Variants in CAPN14 observed in about 807,000 individuals in gnomAD.
CAPN14 encodes the protein calpain-14.
CAPN14 carries 94 observed loss-of-function variants against 101.3 expected under a neutral mutation model. The observed-to-expected ratio is 0.93, with a 90% CI of 0.79 to 1.10. The LOEUF is 1.10. Ranked by LOEUF, CAPN14 falls within the 50% of genes least tolerant of loss-of-function variation. The pLI, the probability that CAPN14 is intolerant of heterozygous loss-of-function variation, is 0.00. For missense variants in CAPN14, 837 were observed against 828.4 expected (o/e 1.01, Z -0.13); for synonymous variants, 338 against 317.9 (o/e 1.06, Z -0.67).
chr2:31,191,623 T>C (rs1010153556), intron 11 of CAPN14, among the ~76,000 whole-genome samples: 4 of 152,196 alleles, frequency 2.6e-5, no homozygotes, highest in African/African-American at 7.2e-5. Context: ...AGGGAAAGAA[T>C]GCTTGGCTTT....
chr2:31,177,162 C>G lies in CAPN14; in HGVS notation c.1856-20G>C, dbSNP rs1368375898. The G allele has an allele frequency of 2.0e-6, 3 of 1,529,330 alleles. No homozygotes were observed. Among genetic ancestry groups the G allele is most frequent in the Non-Finnish European group, 2.7e-6 (3 of 1,127,998 alleles). The allele number at this position is 1,529,330 out of a possible 1,614,324, so 94.7% of individuals were successfully genotyped here. A position where few individuals can be genotyped will look rare whatever the true frequency, so the allele number is the denominator to read the frequency against. On this transcript the variant is annotated intron_variant, in intron 19 of 21. Transcript: ENST00000403897. ...TGATTCCTGCATTGAGCACAAGCTCCTGCTGTGGGTATTGGGGGCTTGCAC... is the reference window on the plus strand; with the variant it reads ...TGATTCCTGCATTGAGCACAAGCTCGTGCTGTGGGTATTGGGGGCTTGCAC...
chr2:31,230,677 GT>G lies in CAPN14; in HGVS notation c.-177+3113del, dbSNP rs1683163571. ...AAGACATTTTTGTAGCTCTTGCCAA[GT>G]TTTTTTCTATTGGAATGTTTGTCTT... On this transcript the variant is annotated intron_variant and NMD_transcript_variant, in intron 1 of 21. Coordinates refer to the CAPN14 transcript ENST00000398824. The surrounding 1 kb of genome is among the most constrained non-coding windows in gnomAD (Gnocchi z 4.3). Among the ~76,000 whole-genome samples the G allele has an allele frequency of 6.6e-6, 1 of 152,136 alleles. No homozygotes were observed. Among genetic ancestry groups the G allele is most frequent in the South Asian group, 2.1e-4 (1 of 4,824 alleles).
chr2:31,212,668 A>T (rs1682460972), intron 1 of CAPN14, among the ~76,000 whole-genome samples: 1 of 152,228 alleles, frequency 6.6e-6, no homozygotes, highest in South Asian at 2.1e-4. Flanking sequence ...CCAGGGGTCC[A>T]TTCAGTGTCT....
chr2:31,194,516 G>C (rs1222581543), intron 8 of CAPN14, 33 bp from the exon 9 acceptor site: 17 of 1,455,868 alleles, frequency 1.2e-5, no homozygotes, highest in South Asian at 4.9e-5. Context: ...AAAGCTTGTG[G>C]GGAGCATGCT....
intron 2 of CAPN14, among the ~76,000 whole-genome samples, chr2:31,223,004 G>T (rs1682904916): frequency 6.6e-6 from 1 of 152,192 alleles, no homozygotes; most frequent in East Asian, 1.9e-4. Context: ...GATACAACAA[G>T]AAGTTGGCAA....
In CAPN14 at chr2:31,200,314, T is replaced by C. The variant is rs1681688781; in HGVS notation, c.726+137A>G. On this transcript the variant is annotated intron_variant, in intron 6 of 21. Coordinates refer to ENST00000403897, the MANE Select transcript of CAPN14 (RefSeq NM_001145122.2). ...GCCACCGCACCTGGCCTTGCTGCTCTGGTTTGAACACCAGGACCTCAGCAC... is the reference window on the plus strand; with the variant it reads ...GCCACCGCACCTGGCCTTGCTGCTCCGGTTTGAACACCAGGACCTCAGCAC... The C allele has an allele frequency of 8.1e-6, 6 of 739,534 alleles. No homozygotes were observed. The South Asian group carries it at 1.1e-4, about 14-fold the overall frequency. 45.8% of individuals were successfully genotyped at this position (739,534 alleles called of 1,614,324 possible). A position where few individuals can be genotyped will look rare whatever the true frequency, so the allele number is the denominator to read the frequency against.
chr2:31,211,598 T>C (rs4951969), intron 1 of CAPN14, among the ~76,000 whole-genome samples: 117,732 of 151,688 alleles, frequency 0.78, 46,020 homozygotes, highest in East Asian at 1. Context: ...TCATCATAGA[T>C]AAATATGCAA....
chr2:31,199,382 A>G (rs1572415347), intron 7 of CAPN14, 88 bp downstream of exon 7: 2 of 1,145,504 alleles, frequency 1.7e-6, no homozygotes, highest in East Asian at 5.1e-5. Flanking sequence ...TCCAGATGGT[A>G]CAGAAACTAA....
At chr2:31,210,016 T>C (rs987740079) in intron 1 of CAPN14, among the ~76,000 whole-genome samples, 1 of 152,220 alleles carries the variant, frequency 6.6e-6, no homozygotes, top group Non-Finnish European at 1.5e-5. Flanking sequence ...ACAGAGTCCA[T>C]AGCCACAGGT....
At chr2:31,194,328 C>T in intron 9 of CAPN14, 81 bp downstream of exon 9, 1 of 1,025,752 alleles carries the variant, frequency 9.7e-7, no homozygotes, top group Non-Finnish European at 1.5e-6. Flanking sequence ...TCCTGGCACC[C>T]ATAAGGCATC....
chr2:31,226,839 T>G (rs1008160066), intron 1 of CAPN14, among the ~76,000 whole-genome samples: 2 of 152,128 alleles, frequency 1.3e-5, no homozygotes, highest in Non-Finnish European at 2.9e-5. Flanking sequence ...CAAGGGTTCA[T>G]TTATTTTTTA....
chr2:31,193,007 G>A, intron 10 of CAPN14, 124 bp downstream of exon 10: 1 of 980,220 alleles, frequency 1.0e-6, no homozygotes, highest in Non-Finnish European at 1.5e-6. Context: ...CACACAGTGA[G>A]GCAAGCAGAG....
intron 1 of CAPN14, among the ~76,000 whole-genome samples, chr2:31,214,040 A>C (rs1049852357): frequency 6.6e-6 from 1 of 152,196 alleles, no homozygotes; most frequent in African/African-American, 2.4e-5. Context: ...CTTTCAGTAA[A>C]CAATGATGAA....
intron 17 of CAPN14, among the ~76,000 whole-genome samples, chr2:31,179,138 T>C (rs1337763498): frequency 1.3e-5 from 2 of 149,564 alleles, no homozygotes; most frequent in African/African-American, 2.5e-5. Context: ...GTTTGTTACA[T>C]AGGTATACAT....
At position 31,201,142 on chromosome 2, in the gene CAPN14, T is replaced by C. The variant is rs1558626147; in HGVS notation, c.552-517A>G. 2.8e-5 allele frequency among the ~76,000 whole-genome samples: 4 copies of C among 143,394 alleles called. No homozygotes were observed. In the South Asian group the frequency reaches 9.0e-4, roughly 32 times the overall value. 94.1% of individuals were successfully genotyped at this position (143,394 alleles called of 152,430 possible). On this transcript the variant is annotated intron_variant, in intron 5 of 21. Transcript: ENST00000403897. ...GTGTGCATGTGTGTATGTGTGGACG[T>C]GTGTGTGTGCATGTGCGTATGTGTG...
Position 31,177,020 on chromosome 2 carries a change from G to C in CAPN14, c.1972+6C>G. Reference sequence around the variant, plus strand: ...CCTGGCCCTCCCCAGCTTCCCGCCAGCTTACCCTCCATGTTCTCTACACGC... The same window carrying C: ...CCTGGCCCTCCCCAGCTTCCCGCCACCTTACCCTCCATGTTCTCTACACGC... On this transcript the variant is annotated splice_donor_region_variant and intron_variant, in intron 20 of 21. Transcript: ENST00000403897. 6.5e-7 allele frequency: 1 copy of C among 1,546,746 alleles called. No homozygotes were observed. The highest frequency in any genetic ancestry group is 8.8e-7 in the Non-Finnish European group (1 of 1,142,788).
upstream of CAPN14, among the ~76,000 whole-genome samples, chr2:31,221,287 G>A (rs1276806420): frequency 6.6e-6 from 1 of 152,230 alleles, no homozygotes; most frequent in African/African-American, 2.4e-5. Context: ...TGATTGACAA[G>A]GACTGCTCTG....
Position 31,203,108 on chromosome 2 carries a change from G to A in CAPN14, c.257C>T (p.Ala86Val). Residue 86 changes from alanine (A) to valine (V), a missense_variant, in exon 3 of 22, where the codon GCC becomes GTC. By Grantham distance (64) the Ala-to-Val change is moderately conservative. Coordinates refer to ENST00000403897, the MANE Select transcript of CAPN14 (RefSeq NM_001145122.2). The part of the protein sequence containing the change: ...ELHSNPQFYF[A>V]KAKRLDLCQG... The stretch of plus-strand genomic sequence containing the variant: ...GCACAGATCCAGCCTTTTGGCCTTG[G>A]CAAAATAAAACTGGGGATTGCTGTG... 6.4e-7 allele frequency: 1 copy of A among 1,551,626 alleles called. No individual in the cohort carries two copies. The highest frequency in any genetic ancestry group is 8.7e-7 in the Non-Finnish European group (1 of 1,146,978).
intron 15 of CAPN14, 117 bp from the exon 16 acceptor site, chr2:31,186,602 T>C (rs1680910817): frequency 1.4e-6 from 1 of 737,912 alleles, no homozygotes; most frequent in South Asian, 2.2e-5. Flanking sequence ...AACTTCACAA[T>C]GCTTTTTAAC....
Sources: allele counts gnomAD v4.1 joint callset (sites outside exome capture counted in the v4.1 genomes callset), GRCh38; gene constraint gnomAD v4.1.1; non-coding constraint Gnocchi (gnomAD v3.1); transcripts MANE v1.5; gene names NCBI Gene and HGNC (gene_info 2026-07-23, HGNC 2026-07-21).